RUNX1: variants seen among roughly 807,000 people sequenced by gnomAD.
The protein encoded by RUNX1 is RUNX family transcription factor 1, also known as runt-related transcription factor 1.
Under a neutral mutation model 42.8 loss-of-function variants are expected in RUNX1, and 19 were observed. That is an observed-to-expected ratio of 0.44 (90% CI 0.31 to 0.65). The LOEUF (loss-of-function observed/expected upper bound fraction) is 0.65. Ranked by LOEUF, RUNX1 falls within the 30% of genes least tolerant of loss-of-function variation. RUNX1 has a pLI of 0.07. For synonymous variants in RUNX1, 271 were observed against 289.4 expected (o/e 0.94, Z 0.64); for missense variants, 528 against 672.0 (o/e 0.79, Z 2.37).
At chr21:34,883,895 A>G (rs2057942333) in intron 4 of RUNX1, among the ~76,000 whole-genome samples, 1 of 152,228 alleles carries the variant, frequency 6.6e-6, no homozygotes, top group African/African-American at 2.4e-5. Context: ...AGCTGAGATG[A>G]TATTTAAGGC....
At chr21:34,931,025 C>T (rs1052697295) in intron 2 of RUNX1, among the ~76,000 whole-genome samples, 1 of 152,104 alleles carries the variant, frequency 6.6e-6, no homozygotes, top group African/African-American at 2.4e-5. Context: ...CCATCACTGC[C>T]ACCCACTTCT....
chr21:34,890,113 G>A (rs975295034), intron 3 of RUNX1, among the ~76,000 whole-genome samples: 7 of 152,078 alleles, frequency 4.6e-5, no homozygotes, highest in Admixed American at 4.6e-4. Flanking sequence ...CCCGGACGCA[G>A]GAGGGGGCCG....
intron 2 of RUNX1, among the ~76,000 whole-genome samples, chr21:34,961,832 G>T (rs2058684142): frequency 6.6e-6 from 1 of 152,138 alleles, no homozygotes; most frequent in African/African-American, 2.4e-5. Context: ...GAATTAGTGT[G>T]CTTCTGTCAG....
At chr21:35,011,437 A>G (rs2059125985) in intron 2 of RUNX1, among the ~76,000 whole-genome samples, 1 of 152,214 alleles carries the variant, frequency 6.6e-6, no homozygotes, top group African/African-American at 2.4e-5. Context: ...TCCCTGGAAT[A>G]GACATGGCTC....
At chr21:35,037,544 C>CA (rs1287585877) in intron 2 of RUNX1, among the ~76,000 whole-genome samples, 3 of 152,192 alleles carry the variant, frequency 2.0e-5, no homozygotes, top group Admixed American at 6.5e-5. Flanking sequence ...ATGTGCCAAA[C>CA]AGATATTCTC....
At chr21:35,048,729 G>T in intron 2 of RUNX1, 113 bp downstream of exon 2, 1 of 861,980 alleles carries the variant, frequency 1.2e-6, no homozygotes, top group Non-Finnish European at 2.0e-6. Context: ...TCACAAACAA[G>T]ACAGGGAACT....
chr21:34,977,361 T>TA (rs1296530580), intron 2 of RUNX1, among the ~76,000 whole-genome samples: 2 of 152,354 alleles, frequency 1.3e-5, no homozygotes, highest in African/African-American at 4.8e-5. Flanking sequence ...GGAAAAAACT[T>TA]ACTGCTTTTA....
chr21:35,002,689 A>G (rs1037478225), intron 2 of RUNX1, among the ~76,000 whole-genome samples: 1 of 152,026 alleles, frequency 6.6e-6, no homozygotes, highest in Non-Finnish European at 1.5e-5. Flanking sequence ...TGCCCTCCCA[A>G]ACTGCTGGGA....
intron 2 of RUNX1, among the ~76,000 whole-genome samples, chr21:34,982,455 G>C (rs2058853965): frequency 2.0e-5 from 3 of 151,424 alleles, no homozygotes; most frequent in African/African-American, 7.3e-5. Context: ...GGAGGAGAGA[G>C]TTTGGATTGG....
intron 2 of RUNX1, among the ~76,000 whole-genome samples, chr21:34,967,343 AAAAAAAAAAG>A (rs1411619570): frequency 1.4e-5 from 2 of 145,214 alleles, no homozygotes; most frequent in Non-Finnish European, 3.0e-5. Flanking sequence ...AAAAAAAAAA[AAAAAAAAAAG>A]AAGAATAGCG....
At chr21:34,812,844 AT>A (rs918982378) in intron 7 of RUNX1, among the ~76,000 whole-genome samples, 3 of 152,068 alleles carry the variant, frequency 2.0e-5, no homozygotes, top group Non-Finnish European at 4.4e-5. Flanking sequence ...AAATGGAGTA[AT>A]TTTTTTTAAA....
At chr21:34,906,449 T>C (rs1408138906) in intron 2 of RUNX1, among the ~76,000 whole-genome samples, 1 of 152,204 alleles carries the variant, frequency 6.6e-6, no homozygotes, top group Admixed American at 6.5e-5. Flanking sequence ...ACTGAGCTAT[T>C]CTGAGCTTCA....
chr21:35,033,289 A>G (rs1234040224), intron 2 of RUNX1, among the ~76,000 whole-genome samples: 1 of 152,262 alleles, frequency 6.6e-6, no homozygotes, highest in Non-Finnish European at 1.5e-5. Context: ...GAACACACTC[A>G]TAAACAGAAA....
chr21:34,872,451 A>T (rs1388444296), intron 5 of RUNX1, among the ~76,000 whole-genome samples: 2 of 152,186 alleles, frequency 1.3e-5, no homozygotes, highest in Non-Finnish European at 1.5e-5. Flanking sequence ...CGCCAGGGGG[A>T]TGGTGCAATT....
chr21:35,016,066 A>G (rs1224003128), intron 2 of RUNX1, among the ~76,000 whole-genome samples: 1 of 152,236 alleles, frequency 6.6e-6, no homozygotes, highest in Admixed American at 6.5e-5. Flanking sequence ...TCACCTAATA[A>G]CAGCTTTGGA....
chr21:34,804,283 C>T (rs1460996241), intron 7 of RUNX1, among the ~76,000 whole-genome samples: 2 of 152,130 alleles, frequency 1.3e-5, no homozygotes, highest in Non-Finnish European at 2.9e-5. Flanking sequence ...TCAGGAACTC[C>T]ACCAGATTCT....
intron 7 of RUNX1, among the ~76,000 whole-genome samples, chr21:34,816,330 C>G (rs886622231): frequency 2.6e-5 from 4 of 152,104 alleles, no homozygotes; most frequent in African/African-American, 9.6e-5. Flanking sequence ...TGGAAGTCTC[C>G]TTCCAACTTG....
intron 2 of RUNX1, among the ~76,000 whole-genome samples, chr21:34,960,311 A>G (rs2058673576): frequency 6.6e-6 from 1 of 152,170 alleles, no homozygotes. Context: ...CCAGTGGACT[A>G]TGAACAGAAG....
chr21:34,992,073 T>C (rs759220187), intron 2 of RUNX1, among the ~76,000 whole-genome samples: 6 of 152,230 alleles, frequency 3.9e-5, no homozygotes, highest in Non-Finnish European at 8.8e-5. Context: ...ATAATTTCTG[T>C]TGTTTTCAGC....
Sources: allele counts gnomAD v4.1 joint callset (sites outside exome capture counted in the v4.1 genomes callset), GRCh38; gene constraint gnomAD v4.1.1; transcripts MANE v1.5; gene names NCBI Gene and HGNC (gene_info 2026-07-23, HGNC 2026-07-21).